Variants in IRS2 observed in about 807,000 individuals in gnomAD.
IRS2 encodes the protein insulin receptor substrate 2.
IRS2 carries 28 observed loss-of-function variants against 70.9 expected under a neutral mutation model. The ratio of observed to expected loss-of-function variants is 0.39; its 90% CI spans 0.29 to 0.54. The LOEUF (loss-of-function observed/expected upper bound fraction) is 0.54, where lower values mean the gene tolerates loss of function less well. Among genes scored for constraint, IRS2 ranks in the 20% least tolerant of loss-of-function variants. IRS2 has a pLI of 0.59. For missense variants in IRS2, 2,081 were observed against 2,024.1 expected, an observed-to-expected ratio of 1.03 and a Z score of -0.54; for synonymous variants, 1,217 against 981.9, an observed-to-expected ratio of 1.24 and a Z score of -4.48.
At chr13:109,773,786 T>C (rs1168418850) in intron 1 of IRS2, among the ~76,000 whole-genome samples, 2 of 152,248 alleles carry the variant, frequency 1.3e-5, no homozygotes, top group Admixed American at 6.5e-5. Flanking sequence ...GTTACTAAAA[T>C]GTTCCAAAGT....
In IRS2 at chr13:109,783,243, G is replaced by C. The variant is rs769013023; in HGVS notation, c.2811C>G (p.Pro937=). 12 of 1,470,054 alleles carry C rather than the reference G, an allele frequency of 8.2e-6. No homozygotes were observed. In the East Asian group the frequency reaches 1.4e-4, roughly 17 times the overall value. 91.1% of individuals were successfully genotyped at this position (1,470,054 alleles called of 1,614,324 possible). Residue 937 remains proline, a synonymous_variant, in exon 1 of 2, where the codon CCC becomes CCG. Coordinates refer to ENST00000375856, the MANE Select transcript of IRS2 (RefSeq NM_003749.3). ...PGARLSPPAP[P]LLASAASSSS... ...AGGACGAGGCCGCCGACGCCAGCAG[G>C]GGAGGCGCGGGCGGCGACAGGCGGG...
rs764001538 is a variant in IRS2, at chr13:109,783,288, G to A, written c.2766C>T (p.Ile922=). 2.6e-6 allele frequency: 4 copies of A among 1,511,346 alleles called. No homozygotes were observed. Among genetic ancestry groups the A allele is most frequent in the Non-Finnish European group, 2.6e-6 (3 of 1,138,258 alleles). The allele number at this position is 1,511,346 out of a possible 1,614,324, so 93.6% of individuals were successfully genotyped here. Residue 922 remains isoleucine (I), a synonymous_variant, in exon 1 of 2, where the codon ATC becomes ATT. Transcript: ENST00000375856. ...EPKSPGEYIN[I]DFGEPGARLS... ...GGCGGGCCCCGGGCTCGCCAAAGTCGATGTTGATGTACTCGCCGGGGCTCT... is the reference window on the plus strand; with the variant it reads ...GGCGGGCCCCGGGCTCGCCAAAGTCAATGTTGATGTACTCGCCGGGGCTCT...
chr13:109,777,524 G>A (rs78090909), intron 1 of IRS2, among the ~76,000 whole-genome samples: 2,248 of 152,090 alleles, frequency 0.015, 68 homozygotes, highest in African/African-American at 0.051. Flanking sequence ...AAAGAATCAC[G>A]CATTTTCCTA....
intron 1 of IRS2, among the ~76,000 whole-genome samples, chr13:109,761,723 T>A (rs1183540027): frequency 6.6e-6 from 1 of 152,182 alleles, no homozygotes; most frequent in Non-Finnish European, 1.5e-5. Flanking sequence ...AAGTTCCCCA[T>A]GACAAACAGG....
chr13:109,782,379 G>C lies in IRS2; in HGVS notation c.3675C>G (p.Pro1225=), dbSNP rs753030361. 1.9e-6 allele frequency: 3 copies of C among 1,610,668 alleles called. No homozygotes were observed. Among genetic ancestry groups the C allele is most frequent in the East Asian group, 4.5e-5 (2 of 44,790 alleles). The change falls in exon 1 of 2, where the codon CCC becomes CCG. Residue 1225 remains proline (P), a synonymous_variant. Coordinates refer to ENST00000375856, the MANE Select transcript of IRS2 (RefSeq NM_003749.3). ...TCCCAGGACAACCGACCAAGCCCCC[G>C]GGCTGACCCGGGGTCCACGGCCGGC... The part of the protein sequence containing the change: ...PQGRPWTPGQ[P]GGLVGCPGSG...
In IRS2 at chr13:109,784,675, G is replaced by A. The variant is rs1275444206; in HGVS notation, c.1379C>T (p.Pro460Leu). 6.4e-6 allele frequency: 8 copies of A among 1,243,964 alleles called. No individual in the cohort carries two copies. Among genetic ancestry groups the A allele is most frequent in the Middle Eastern group, 3.1e-4 (1 of 3,234 alleles). 77.1% of individuals were successfully genotyped at this position (1,243,964 alleles called of 1,614,324 possible). A position where few individuals can be genotyped will look rare whatever the true frequency, so the allele number is the denominator to read the frequency against. The change falls in exon 1 of 2, where the codon CCG becomes CTG. Residue 460 changes from proline to leucine, a missense_variant. Physicochemically the swap from Pro to Leu is moderately conservative, Grantham distance 98 (BLOSUM62 -3). Transcript: ENST00000375856. This position sits in a 1 kb window ranked among gnomAD's most constrained non-coding sequence, Gnocchi z 5.2. ...SSSGHGSGSYPPPPGPHPPLP... is the reference protein window; with the variant it reads ...SSSGHGSGSYLPPPGPHPPLP... ...AGGCGGGTGCGGGCCGGGCGGCGGCGGGTAGGAGCCCGAGCCGTGGCCGCT... is the reference window on the plus strand; with the variant it reads ...AGGCGGGTGCGGGCCGGGCGGCGGCAGGTAGGAGCCCGAGCCGTGGCCGCT...
rs1465562569 is a variant in IRS2 at position 109,784,873 on chromosome 13, G to C, written c.1181C>G (p.Pro394Arg). ...CGAGCGGCTCAGGGGCGCGCGCACC[G>C]GCCCGGGGCTCAGGGGGCTCCCAGC... Reference protein sequence around the residue: ...SVAGSPLSPGPVRAPLSRSHT... With the variant: ...SVAGSPLSPGRVRAPLSRSHT... Residue 394 changes from proline (P) to arginine (R), a missense_variant, in exon 1 of 2, where the codon CCG (proline) becomes CGG (arginine). Pro to Arg is a moderately radical substitution (Grantham distance 103, BLOSUM62 -2). Transcript: ENST00000375856. This position sits in a 1 kb window ranked among gnomAD's most constrained non-coding sequence, Gnocchi z 5.2. The C allele has an allele frequency of 8.0e-6, 9 of 1,119,080 alleles. No individual in the cohort carries two copies. The highest frequency in any genetic ancestry group is 9.9e-6 in the Non-Finnish European group (9 of 912,882). The allele number at this position is 1,119,080 out of a possible 1,614,324, so 69.3% of individuals were successfully genotyped here.
chr13:109,771,152 A>G (rs990567204), intron 1 of IRS2, among the ~76,000 whole-genome samples: 1 of 152,212 alleles, frequency 6.6e-6, no homozygotes, highest in Non-Finnish European at 1.5e-5. Context: ...TGTAGAAGCT[A>G]CAAAACCTTT....
rs1306557420 is a variant in IRS2 at position 109,782,668 on chromosome 13, G to C, written c.3386C>G (p.Pro1129Arg). 16 of 1,572,416 alleles carry C rather than the reference G, an allele frequency of 1.0e-5. No individual in the cohort carries two copies. Among genetic ancestry groups the C allele is most frequent in the South Asian group, 7.0e-5 (6 of 86,206 alleles). Residue 1129 changes from proline (P) to arginine (R), a missense_variant, in exon 1 of 2, where the codon CCC becomes CGC. By Grantham distance (103) the Pro-to-Arg change is moderately radical. This residue lies in a region of IRS2 where 1,615 missense variants were observed against 1,459.5 expected (regional missense o/e 1.11). Coordinates refer to ENST00000375856, the MANE Select transcript of IRS2 (RefSeq NM_003749.3). Reference protein sequence around the residue: ...AFLQASQPPDPHRGAKVIRAD... With the variant: ...AFLQASQPPDRHRGAKVIRAD... ...GCGGATGACCTTGGCGCCGCGGTGG[G>C]GGTCCGGGGGCTGGCTGGCCTGCAG...
intron 1 of IRS2, among the ~76,000 whole-genome samples, chr13:109,763,152 T>C (rs1336845307): frequency 6.6e-6 from 1 of 152,190 alleles, no homozygotes; most frequent in Non-Finnish European, 1.5e-5. Context: ...AAGGAGCACA[T>C]GAACATGGCA....
At position 109,785,431 on chromosome 13, in the gene IRS2, C is replaced by T. The variant is rs1408133801; in HGVS notation, c.623G>A (p.Gly208Asp). The stretch of plus-strand genomic sequence containing the variant: ...CACCCCCGTCAGGTTCTTGCTCTGG[C>T]CCAGACCCTTGGGCTTCAGGTTCAC... ...WQVNLKPKGLGQSKNLTGVYR... is the reference protein window; with the variant it reads ...WQVNLKPKGLDQSKNLTGVYR... The change falls in exon 1 of 2, where the codon GGC becomes GAC. Residue 208 changes from glycine (G) to aspartate (D), a missense_variant. Around this residue, in one of 4 missense-constraint regions of IRS2, gnomAD observed 320 missense variants for 352.9 expected, o/e 0.91. Transcript: ENST00000375856. The surrounding 1 kb of genome is among the most constrained non-coding windows in gnomAD (Gnocchi z 9.3). The T allele has an allele frequency of 6.2e-7, 1 of 1,612,274 alleles. No homozygotes were observed. Among genetic ancestry groups the T allele is most frequent in the Non-Finnish European group, 8.5e-7 (1 of 1,179,814 alleles).
At position 109,755,230 on chromosome 13, in the gene IRS2, TTTG is replaced by T; in HGVS notation, c.*1071_*1073del. ...CTTTCTTTCCTTTTTTTTTTTTCTT[TTTG>T]TTTTTTTTGTTCAGGGCAGCCTCAC... On this transcript the variant is annotated 3_prime_UTR_variant, in exon 2 of 2. Coordinates refer to ENST00000375856, the MANE Select transcript of IRS2 (RefSeq NM_003749.3). 7.4e-6 allele frequency: 1 copy of T among 134,238 alleles called. No homozygotes were observed. Among genetic ancestry groups the T allele is most frequent in the Non-Finnish European group, 1.4e-5 (1 of 72,760 alleles). The allele number at this position is 134,238 out of a possible 1,614,324, so 8.3% of individuals were successfully genotyped here.
intron 1 of IRS2, among the ~76,000 whole-genome samples, chr13:109,774,473 A>G (rs1877526349): frequency 1.3e-5 from 2 of 152,186 alleles, no homozygotes; most frequent in African/African-American, 4.8e-5. Context: ...ACCCAGTGGA[A>G]GAAAAAGGGG....
In IRS2 at chr13:109,786,123, G is replaced by C; in HGVS notation, c.-70C>G. On this transcript the variant is annotated 5_prime_UTR_variant, in exon 1 of 2. Transcript: ENST00000375856. This position sits in a 1 kb window ranked among gnomAD's most constrained non-coding sequence, Gnocchi z 4.4. ...TTGGGGCGAGGGGCGGAGGGGGCGC[G>C]GGCGGGGGCGGCTCCCTCCCACCCT... 1 of 885,316 alleles carries C rather than the reference G, an allele frequency of 1.1e-6. No individual in the cohort carries two copies. The highest frequency in any genetic ancestry group is 1.3e-6 in the Non-Finnish European group (1 of 741,058). The allele number at this position is 885,316 out of a possible 1,614,324, so 54.8% of individuals were successfully genotyped here. A position where few individuals can be genotyped will look rare whatever the true frequency, so the allele number is the denominator to read the frequency against.
rs1481058071 is a variant in IRS2 at position 109,755,208 on chromosome 13, T to G, written c.*1096A>C. 1 of 194,150 alleles carries G rather than the reference T, an allele frequency of 5.2e-6. No individual in the cohort carries two copies. Among genetic ancestry groups the G allele is most frequent in the Non-Finnish European group, 9.2e-6 (1 of 108,766 alleles). The allele number at this position is 194,150 out of a possible 1,614,324, so 12.0% of individuals were successfully genotyped here. Reference sequence around the variant, plus strand: ...GAATGCCTCTTTTTATCAGTTTCTTTCTTTCCTTTTTTTTTTTTCTTTTTG... The same window carrying G: ...GAATGCCTCTTTTTATCAGTTTCTTGCTTTCCTTTTTTTTTTTTCTTTTTG... On this transcript the variant is annotated 3_prime_UTR_variant, in exon 2 of 2. Transcript: ENST00000375856.
rs1877905253 is a variant in IRS2 at position 109,785,840 on chromosome 13, G to A, written c.214C>T (p.Arg72Trp). The part of the protein sequence containing the change: ...AGGGSAPQPP[R>W]LEYYESEKKW... ...TTCTCGCTCTCGTAGTACTCGAGCC[G>A]CGGCGGTTGCGGCGCCGACCCCCCG... The change falls in exon 1 of 2, where the codon CGG (arginine) becomes TGG (tryptophan). Residue 72 changes from arginine (R) to tryptophan (W), a missense_variant. Arg to Trp is a moderately radical substitution (Grantham distance 101). Coordinates refer to ENST00000375856, the MANE Select transcript of IRS2 (RefSeq NM_003749.3). This position sits in a 1 kb window ranked among gnomAD's most constrained non-coding sequence, Gnocchi z 9.3. 1 of 1,529,080 alleles carries A rather than the reference G, an allele frequency of 6.5e-7. No homozygotes were observed. Among genetic ancestry groups the A allele is most frequent in the South Asian group, 1.2e-5 (1 of 83,782 alleles). 94.7% of individuals were successfully genotyped at this position (1,529,080 alleles called of 1,614,324 possible).
chr13:109,756,612 A>G (rs1877112071), intron 1 of IRS2, among the ~76,000 whole-genome samples: 2 of 152,190 alleles, frequency 1.3e-5, no homozygotes, highest in African/African-American at 4.8e-5. Context: ...CGAACAAGAT[A>G]GAAAAAGAAG....
rs2138935350 is a variant in IRS2 at position 109,784,277 on chromosome 13, C to T, written c.1777G>A (p.Ala593Thr). 6.3e-7 allele frequency: 1 copy of T among 1,594,506 alleles called. No individual in the cohort carries two copies. The highest frequency in any genetic ancestry group is 8.5e-7 in the Non-Finnish European group (1 of 1,170,248). ...RQRPVPQPSSASLDEYTLMRA... is the reference protein window; with the variant it reads ...RQRPVPQPSSTSLDEYTLMRA... ...ATCAGGGTGTATTCATCCAGCGAGG[C>T]AGAGGAGGGCTGGGGCACCGGCCGC... Residue 593 changes from alanine to threonine, a missense_variant, in exon 1 of 2, where the codon GCC becomes ACC. By Grantham distance (58) the Ala-to-Thr change is moderately conservative (BLOSUM62 0). Coordinates refer to ENST00000375856, the MANE Select transcript of IRS2 (RefSeq NM_003749.3). The surrounding 1 kb of genome is among the most constrained non-coding windows in gnomAD (Gnocchi z 5.2).
At chr13:109,756,329 G>A (rs1454060458) in intron 1 of IRS2, 21 bp from the exon 2 acceptor site, 39 of 1,610,956 alleles carry the variant, frequency 2.4e-5, no homozygotes, top group Non-Finnish European at 3.3e-5. Flanking sequence ...AAGGAGGGAA[G>A]TTAGCAGAGA....
Sources: gnomAD v4.1 joint callset for allele counts (sites outside exome capture counted in the v4.1 genomes callset) on GRCh38, gnomAD v4.1.1 for gene constraint, gnomAD v4.1.1 regional missense constraint, Gnocchi (gnomAD v3.1) non-coding constraint, MANE v1.5 for transcripts, NCBI Gene and HGNC (gene_info 2026-07-23, HGNC 2026-07-21) for gene names.